The following FAM171A2 variants were observed in gnomAD, a reference collection of about 807,000 sequenced individuals.
FAM171A2 encodes the protein protein FAM171A2.
Under a neutral mutation model 34.2 loss-of-function variants are expected in FAM171A2, and 13 were observed. That is an observed-to-expected ratio of 0.38 (90% CI 0.25 to 0.60). FAM171A2 has a LOEUF of 0.60. FAM171A2 is among the 20% of genes least tolerant of loss of function. The probability of loss-of-function intolerance (pLI) is 0.62; values close to 1 mark genes in which losing one functional copy is unlikely to be tolerated. For missense variants in FAM171A2, 950 were observed against 1,180.7 expected (o/e 0.80, Z 2.86); for synonymous variants, 475 against 561.2 (o/e 0.85, Z 2.17).
At position 44,353,713 on chromosome 17, in the gene FAM171A2, T is replaced by C; in HGVS notation, c.*20A>G. On this transcript the variant is annotated 3_prime_UTR_variant, in exon 8 of 8. Coordinates refer to ENST00000293443, the MANE Select transcript of FAM171A2 (RefSeq NM_198475.3). ...GTGCGGGCCCGCGCGGGAGGGGCGG[T>C]GCCAGGCCCTGCGCGGGCGCTACTT... 7 of 1,351,322 alleles carry C rather than the reference T, an allele frequency of 5.2e-6. No individual in the cohort carries two copies. The South Asian group carries it at 9.9e-5, about 19-fold the overall frequency. The allele number at this position is 1,351,322 out of a possible 1,614,324, so 83.7% of individuals were successfully genotyped here. A position where few individuals can be genotyped will look rare whatever the true frequency, so the allele number is the denominator to read the frequency against.
rs1434924432 is a variant in FAM171A2 at position 44,353,661 on chromosome 17, C to T, written c.*72G>A. The T allele has an allele frequency of 7.0e-6, 8 of 1,149,050 alleles. No homozygotes were observed. The South Asian group carries it at 1.6e-4, about 23-fold the overall frequency. The allele number at this position is 1,149,050 out of a possible 1,614,324, so 71.2% of individuals were successfully genotyped here. A position where few individuals can be genotyped will look rare whatever the true frequency, so the allele number is the denominator to read the frequency against. ...GCTGGGAGCTACGCGCGAGGGCCCCCGCGGGCCCCCGGGGCGCGCACCCTG... is the reference window on the plus strand; with the variant it reads ...GCTGGGAGCTACGCGCGAGGGCCCCTGCGGGCCCCCGGGGCGCGCACCCTG... On this transcript the variant is annotated 3_prime_UTR_variant, in exon 8 of 8. Transcript: ENST00000293443.
chr17:44,362,268 AC>A (rs925114034), intron 1 of FAM171A2, among the ~76,000 whole-genome samples: 15 of 152,012 alleles, frequency 9.9e-5, no homozygotes, highest in African/African-American at 3.4e-4. Context: ...GTCCTAAGAA[AC>A]TAGGGCTTCT....
Position 44,354,980 on chromosome 17 carries a change from GGGA to G in FAM171A2, c.1231_1233del (p.Ser411del). On this transcript the variant is annotated inframe_deletion, in exon 8 of 8. Transcript: ENST00000293443. This position sits in a 1 kb window ranked among gnomAD's most constrained non-coding sequence, Gnocchi z 5.8. The stretch of plus-strand genomic sequence containing the variant: ...GGCTTGGTGCGGAAGAAGTCATCCC[GGGA>G]GGAGGCCAAGTCCCGGGAGCTGGAG... The G allele has an allele frequency of 1.4e-6, 2 of 1,481,066 alleles. No individual in the cohort carries two copies. Among genetic ancestry groups the G allele is most frequent in the Non-Finnish European group, 1.8e-6 (2 of 1,118,042 alleles). 91.7% of individuals were successfully genotyped at this position (1,481,066 alleles called of 1,614,324 possible).
intron 3 of FAM171A2, among the ~76,000 whole-genome samples, chr17:44,357,836 G>C (rs991312279): frequency 6.6e-6 from 1 of 151,556 alleles, no homozygotes; most frequent in Non-Finnish European, 1.5e-5. Context: ...TTTAAGCTAT[G>C]CTGGGCACTG....
Position 44,354,334 on chromosome 17 carries a change from A to T in FAM171A2, c.1880T>A (p.Met627Lys). The change falls in exon 8 of 8, where the codon ATG becomes AAG. Residue 627 changes from methionine to lysine, a missense_variant. This residue lies in a region of FAM171A2 where 752 missense variants were observed against 924.5 expected (regional missense o/e 0.81). Transcript: ENST00000293443. The surrounding 1 kb of genome is among the most constrained non-coding windows in gnomAD (Gnocchi z 5.8). ...TIPVLFNEST[M>K]AQLNGELQAL... ...CTGCAGCTCCCCGTTGAGCTGCGCC[A>T]TGGTGGACTCGTTGAATAGCACAGG... is the stretch of plus-strand genomic sequence containing the variant. 1.4e-6 allele frequency: 2 copies of T among 1,435,070 alleles called. No homozygotes were observed. The highest frequency in any genetic ancestry group is 1.5e-5 in the African/African-American group (1 of 67,064). The allele number at this position is 1,435,070 out of a possible 1,614,324, so 88.9% of individuals were successfully genotyped here. A position where few individuals can be genotyped will look rare whatever the true frequency, so the allele number is the denominator to read the frequency against.
chr17:44,358,266 C>T (rs1219957419), intron 3 of FAM171A2, among the ~76,000 whole-genome samples: 1 of 152,202 alleles, frequency 6.6e-6, no homozygotes, highest in Non-Finnish European at 1.5e-5. Context: ...GGCACCTGGG[C>T]TTGGTACTGA....
At chr17:44,356,870 T>TATAGCC (rs1348299993) in intron 3 of FAM171A2, among the ~76,000 whole-genome samples, 4 of 152,176 alleles carry the variant, frequency 2.6e-5, no homozygotes, top group Non-Finnish European at 4.4e-5. Flanking sequence ...TCAAACAGTA[T>TATAGCC]TGTCTACTAT....
rs770368619 is a variant in FAM171A2, at chr17:44,359,579, C to T, written c.439G>A (p.Gly147Ser). 33 of 1,550,948 alleles carry T rather than the reference C, an allele frequency of 2.1e-5. No homozygotes were observed. The highest frequency in any genetic ancestry group is 2.8e-5 in the Non-Finnish European group (32 of 1,146,786). Residue 147 changes from glycine (G) to serine (S), a missense_variant and splice_region_variant, in exon 3 of 8, where the codon GGT becomes AGT. Physicochemically the swap from Gly to Ser is moderately conservative, Grantham distance 56. Transcript: ENST00000293443. ...TGGCGTGGGTGAGGGGGAGCCTTAC[C>T]GGGAGAGCCTAGGAGAATGTGCACC... ...DLVHILLGSP[G>S]ARSQPLVQFQ...
intron 1 of FAM171A2, among the ~76,000 whole-genome samples, chr17:44,360,385 C>T (rs1207518729): frequency 6.6e-6 from 1 of 152,238 alleles, no homozygotes; most frequent in Admixed American, 6.5e-5. Flanking sequence ...ATTCTAAACT[C>T]GGGCTATGCC....
rs537787943 is a variant in FAM171A2, at chr17:44,355,876, A to C, written c.896-35T>G. 114 of 1,550,708 alleles carry C rather than the reference A, an allele frequency of 7.4e-5. No homozygotes were observed. The African/African-American group carries it at 1.4e-3, about 20-fold the overall frequency. The stretch of plus-strand genomic sequence containing the variant: ...GCGAGGGCTTAGCGTTCAGGTGTAG[A>C]CACCCTTCCTGCCTTTCAGAAGTCT... On this transcript the variant is annotated intron_variant, in intron 6 of 7. Coordinates refer to ENST00000293443, the MANE Select transcript of FAM171A2 (RefSeq NM_198475.3). The surrounding 1 kb of genome is among the most constrained non-coding windows in gnomAD (Gnocchi z 4.1).
chr17:44,363,510 C>G (rs1271503825), intron 1 of FAM171A2, 87 bp downstream of exon 1: 3 of 560,862 alleles, frequency 5.3e-6, no homozygotes, highest in African/African-American at 2.0e-5. Context: ...ACTCAATTCA[C>G]GAACGCCGCG....
chr17:44,355,649 A>G lies in FAM171A2; in HGVS notation c.1022+66T>C. On this transcript the variant is annotated intron_variant, in intron 7 of 7. Transcript: ENST00000293443. The surrounding 1 kb of genome is among the most constrained non-coding windows in gnomAD (Gnocchi z 4.1). ...CCCTTGAGGACCAGAAGTGGATTTT[A>G]TGCATCTTTGGGGCCCCAGGGCCCG... 4.5e-6 allele frequency: 7 copies of G among 1,542,926 alleles called. No individual in the cohort carries two copies. The highest frequency in any genetic ancestry group is 5.3e-6 in the Non-Finnish European group (6 of 1,141,724).
chr17:44,357,729 T>TGGTGTGTGTGTGTGTG (rs2048430587), intron 3 of FAM171A2, among the ~76,000 whole-genome samples: 1 of 70,746 alleles, frequency 1.4e-5, no homozygotes, highest in Non-Finnish European at 2.8e-5. Flanking sequence ...ACAGTTTAGG[T>TGGTGTGTGTGTGTGTG]CGTGTGTGTG....
rs1165867131 is a variant in FAM171A2, at chr17:44,359,956, G to T, written c.295C>A (p.Arg99Ser). ...LGTWVLVTAA[R>S]PGFLTNSVPW... Reference sequence around the variant, plus strand: ...ACAGAGTTGGTGAGGAAGCCAGGGCGGGCAGCAGTGACCAGCACCCAGGTG... The same window carrying T: ...ACAGAGTTGGTGAGGAAGCCAGGGCTGGCAGCAGTGACCAGCACCCAGGTG... The change falls in exon 2 of 8, where the codon CGC (arginine) becomes AGC (serine). Residue 99 changes from arginine to serine, a missense_variant. Arg to Ser is a moderately radical substitution (Grantham distance 110, BLOSUM62 -1). Around this residue, in one of 3 missense-constraint regions of FAM171A2, gnomAD observed 752 missense variants for 924.5 expected, o/e 0.81. Transcript: ENST00000293443. The T allele has an allele frequency of 1.3e-6, 2 of 1,551,124 alleles. No individual in the cohort carries two copies. The highest frequency in any genetic ancestry group is 3.9e-5 in the Admixed American group (2 of 50,978).
At chr17:44,356,672 AG>A in intron 3 of FAM171A2, 84 bp from the exon 4 acceptor site, 1 of 1,418,502 alleles carries the variant, frequency 7.0e-7, no homozygotes, top group East Asian at 2.5e-5. Flanking sequence ...TCTAAGGAAA[AG>A]GGGGACATGA....
chr17:44,361,920 C>T (rs2048449419), intron 1 of FAM171A2, among the ~76,000 whole-genome samples: 1 of 152,064 alleles, frequency 6.6e-6, no homozygotes, highest in South Asian at 2.1e-4. Context: ...GCTACTCCCA[C>T]CTCCATCCCG....
At chr17:44,359,795 G>A (rs2048440548) in intron 2 of FAM171A2, 110 bp downstream of exon 2, 1 of 1,333,972 alleles carries the variant, frequency 7.5e-7, no homozygotes, top group South Asian at 1.4e-5. Flanking sequence ...CCCCAGCCCA[G>A]GCAGCAGCTG....
rs1424233284 is a variant in FAM171A2 at position 44,355,802 on chromosome 17, G to A, written c.935C>T (p.Thr312Ile). 3.2e-6 allele frequency: 5 copies of A among 1,551,658 alleles called. No individual in the cohort carries two copies. Among genetic ancestry groups the A allele is most frequent in the Non-Finnish European group, 4.4e-6 (5 of 1,147,044 alleles). ...GGTGAGCAAGAAGATGGTGTGGTAG[G>A]TGCCGATGTCCTGGATGCCCGACGT... ...TITSGIQDIG[T>I]YHTIFLLTIL... is the part of the protein sequence containing the mutation. Residue 312 changes from threonine (T) to isoleucine (I), a missense_variant, in exon 7 of 8, where the codon ACC becomes ATC. Thr to Ile is a moderately conservative substitution (Grantham distance 89, BLOSUM62 -1). This residue lies in a region of FAM171A2 where 752 missense variants were observed against 924.5 expected (regional missense o/e 0.81). Coordinates refer to ENST00000293443, the MANE Select transcript of FAM171A2 (RefSeq NM_198475.3). The surrounding 1 kb of genome is among the most constrained non-coding windows in gnomAD (Gnocchi z 4.1).
chr17:44,360,198 C>T (rs2048442750), intron 1 of FAM171A2, 66 bp from the exon 2 acceptor site: 2 of 1,347,080 alleles, frequency 1.5e-6, no homozygotes, highest in African/African-American at 2.9e-5. Context: ...GGGGGAGCCC[C>T]AAGATCAGAG....
Sources: allele counts gnomAD v4.1 joint callset (sites outside exome capture counted in the v4.1 genomes callset), GRCh38; gene constraint gnomAD v4.1.1; regional missense constraint gnomAD v4.1.1; non-coding constraint Gnocchi (gnomAD v3.1); transcripts MANE v1.5; gene names NCBI Gene and HGNC (gene_info 2026-07-23, HGNC 2026-07-21).